ADAMTSL1: variants seen among roughly 807,000 people sequenced by gnomAD.
ADAMTSL1 encodes the protein ADAMTS like 1.
In ADAMTSL1, 126 loss-of-function variants were observed where a neutral mutation model predicts 201.8. That is an observed-to-expected ratio of 0.62 (90% CI 0.54 to 0.72). The LOEUF is 0.72. ADAMTSL1 is among the 30% of genes least tolerant of loss of function. ADAMTSL1 has a pLI of 0.00. For missense variants in ADAMTSL1, 2,679 were observed against 2,277.8 expected (o/e 1.18, Z -3.59); for synonymous variants, 1,121 against 903.4 (o/e 1.24, Z -4.32).
intron 1 of ADAMTSL1, among the ~76,000 whole-genome samples, chr9:17,915,423 T>C (rs1327538928): frequency 6.6e-6 from 1 of 152,212 alleles, no homozygotes; most frequent in Non-Finnish European, 1.5e-5. Flanking sequence ...TAGTATTGCA[T>C]TGTATAGATA....
At position 18,135,575 on chromosome 9, in the gene ADAMTSL1, T is replaced by A. The variant is rs140319613; in HGVS notation, c.88-28287T>A. On this transcript the variant is annotated intron_variant, in intron 1 of 29. Transcript: ENST00000680146. ...ACTCAGGAGGCTGAGATGGGAGAAC[T>A]GCTGAGCCCAGGAGTTTGAGGCCAG... 7.2e-3 allele frequency among the ~76,000 whole-genome samples: 1,096 copies of A among 152,164 alleles called. 13 individuals carry two copies. The highest frequency in any genetic ancestry group is 0.025 in the African/African-American group (1,027 of 41,514).
At position 18,744,457 on chromosome 9, in the gene ADAMTSL1, A is replaced by T. The variant is rs919995513; in HGVS notation, c.2007-8841A>T. 1.4e-4 allele frequency among the ~76,000 whole-genome samples: 22 copies of T among 152,346 alleles called. 1 individual carries two copies. Among genetic ancestry groups the T allele is most frequent in the Admixed American group, 1.2e-3 (18 of 15,296 alleles). ...ATGGCTACTTTCTCTGACTGACTTT[A>T]GGAAGCTGCCTCACTCTACTTACTT... On this transcript the variant is annotated intron_variant, in intron 15 of 28. Coordinates refer to ENST00000380548, the MANE Select transcript of ADAMTSL1 (RefSeq NM_001040272.6).
chr9:18,073,135 G>A (rs569657792), intron 1 of ADAMTSL1, among the ~76,000 whole-genome samples: 6 of 152,274 alleles, frequency 3.9e-5, no homozygotes, highest in South Asian at 2.1e-4. Context: ...GGCCTGCCAC[G>A]TGTTTTCTCT....
At chr9:18,604,038 G>A (rs926260797) in intron 4 of ADAMTSL1, among the ~76,000 whole-genome samples, 2 of 152,176 alleles carry the variant, frequency 1.3e-5, no homozygotes, top group South Asian at 4.1e-4. Flanking sequence ...CTATGCATTT[G>A]GGTTGTCCTT....
intron 2 of ADAMTSL1, among the ~76,000 whole-genome samples, chr9:18,271,790 C>T (rs1173546846): frequency 6.6e-6 from 1 of 152,168 alleles, no homozygotes; most frequent in Non-Finnish European, 1.5e-5. Flanking sequence ...ACACTCCCAC[C>T]AACAGTGTAA....
intron 15 of ADAMTSL1, 63 bp downstream of exon 15, chr9:18,721,728 G>T (rs1357962477): frequency 6.4e-7 from 1 of 1,571,942 alleles, no homozygotes; most frequent in East Asian, 2.3e-5. Context: ...GCATCTTTCA[G>T]TGGGCAAGAC....
chr9:17,940,781 T>C (rs1185967590), intron 1 of ADAMTSL1, among the ~76,000 whole-genome samples: 2 of 101,056 alleles, frequency 2.0e-5, no homozygotes, highest in African/African-American at 3.6e-5. Context: ...AAAGGTAAAC[T>C]TAAAAATAAA....
intron 1 of ADAMTSL1, among the ~76,000 whole-genome samples, chr9:18,016,480 C>T (rs1820266878): frequency 6.6e-6 from 1 of 151,926 alleles, no homozygotes; most frequent in African/African-American, 2.4e-5. Flanking sequence ...GAACAGAGTC[C>T]TGTAAGTAAA....
chr9:18,357,515 C>A (rs1836305649), intron 2 of ADAMTSL1, among the ~76,000 whole-genome samples: 1 of 151,982 alleles, frequency 6.6e-6, no homozygotes, highest in African/African-American at 2.4e-5. Flanking sequence ...TCCTAGGGTT[C>A]TTTGGTGAGT....
intron 4 of ADAMTSL1, among the ~76,000 whole-genome samples, chr9:18,604,486 G>T (rs1291392596): frequency 2.6e-5 from 4 of 152,132 alleles, no homozygotes; most frequent in Admixed American, 2.6e-4. Flanking sequence ...GACTATTTGG[G>T]GTGCCTAGTA....
intron 4 of ADAMTSL1, among the ~76,000 whole-genome samples, chr9:18,612,718 A>G (rs1021090356): frequency 4.6e-5 from 7 of 152,204 alleles, no homozygotes; most frequent in Non-Finnish European, 1.0e-4. Flanking sequence ...GCAAAAATTA[A>G]TTCACGATGG....
At chr9:17,922,082 T>A (rs577831689) in intron 1 of ADAMTSL1, among the ~76,000 whole-genome samples, 7 of 82,100 alleles carry the variant, frequency 8.5e-5, no homozygotes, top group African/African-American at 3.0e-4. Context: ...TGATTGCAGT[T>A]CAGGCTTTTT....
At chr9:18,561,498 T>C (rs998394148) in intron 3 of ADAMTSL1, among the ~76,000 whole-genome samples, 2 of 152,214 alleles carry the variant, frequency 1.3e-5, no homozygotes, top group Non-Finnish European at 1.5e-5. Context: ...GAAGAACGTA[T>C]ATACTGTTGA....
At chr9:18,734,188 G>A (rs181670070) in intron 15 of ADAMTSL1, among the ~76,000 whole-genome samples, 4 of 152,256 alleles carry the variant, frequency 2.6e-5, no homozygotes, top group East Asian at 1.9e-4. Flanking sequence ...ACAGTGCCTC[G>A]CTCATACTAA....
chr9:18,901,148 T>A (rs1047994069), intron 26 of ADAMTSL1, among the ~76,000 whole-genome samples: 30 of 143,306 alleles, frequency 2.1e-4, no homozygotes, highest in South Asian at 1.1e-3. Flanking sequence ...TTTCTTTATT[T>A]AAAAAAAAAA....
intron 20 of ADAMTSL1, among the ~76,000 whole-genome samples, chr9:18,799,488 A>C (rs187148793): frequency 2.6e-4 from 40 of 152,350 alleles, no homozygotes; most frequent in African/African-American, 9.1e-4. Context: ...GTACTTACCA[A>C]TGCAGATAAG....
rs539527505 is a variant in ADAMTSL1 at position 18,581,910 on chromosome 9, G to A, written c.474+7644G>A. On this transcript the variant is annotated intron_variant, in intron 4 of 28. Coordinates refer to ENST00000380548, the MANE Select transcript of ADAMTSL1 (RefSeq NM_001040272.6). ...AGTCAGCCCAGGCTTCTGCATCTGT[G>A]CCTCAGACCTAAGAGTCATTCTTCT... is the stretch of plus-strand genomic sequence containing the variant. Among the ~76,000 whole-genome samples, 5 of 152,308 alleles carry A rather than the reference G, an allele frequency of 3.3e-5. No individual in the cohort carries two copies. In the East Asian group the frequency reaches 9.7e-4, roughly 29 times the overall value.
At chr9:18,307,366 G>C (rs531436594) in intron 2 of ADAMTSL1, among the ~76,000 whole-genome samples, 1 of 152,086 alleles carries the variant, frequency 6.6e-6, no homozygotes, top group East Asian at 1.9e-4. Context: ...CCATGTAAAT[G>C]GGTTAAATGC....
chr9:18,773,601 G>T (rs982126302), intron 17 of ADAMTSL1, among the ~76,000 whole-genome samples: 1 of 152,122 alleles, frequency 6.6e-6, no homozygotes, highest in Non-Finnish European at 1.5e-5. Flanking sequence ...CAACGGCTGG[G>T]TCTCCTCATC....
Sources: allele counts gnomAD v4.1 joint callset (sites outside exome capture counted in the v4.1 genomes callset), GRCh38; gene constraint gnomAD v4.1.1; transcripts MANE v1.5; gene names NCBI Gene and HGNC (gene_info 2026-07-23, HGNC 2026-07-21).